The following NRXN3 variants were observed in gnomAD, a reference collection of about 807,000 sequenced individuals.
The protein encoded by NRXN3 is neurexin III.
A neutral mutation model predicts 137.6 loss-of-function variants in NRXN3; 32 were observed. That is an observed-to-expected ratio of 0.23 (90% CI 0.18 to 0.31). The LOEUF is 0.31. Ranked by LOEUF, NRXN3 falls within the 10% of genes least tolerant of loss-of-function variation. The pLI, the probability that NRXN3 is intolerant of heterozygous loss-of-function variation, is 1.00. For missense variants in NRXN3, 1,574 were observed against 2,062.5 expected, an observed-to-expected ratio of 0.76 and a Z score of 4.59; for synonymous variants, 798 against 784.5, an observed-to-expected ratio of 1.02 and a Z score of -0.29.
At chr14:79,015,635 T>A (rs1340545850) in intron 15 of NRXN3, among the ~76,000 whole-genome samples, 1 of 152,134 alleles carries the variant, frequency 6.6e-6, no homozygotes, top group Non-Finnish European at 1.5e-5. Flanking sequence ...AAGGCCCGCC[T>A]CCCAAGTCCT....
chr14:79,129,216 C>G (rs1474937054), intron 15 of NRXN3, among the ~76,000 whole-genome samples: 14 of 151,390 alleles, frequency 9.2e-5, no homozygotes, highest in South Asian at 4.2e-4. Flanking sequence ...TTGCCTTCTT[C>G]TAGCTTTTGA....
rs138076309 is a variant in NRXN3, at chr14:79,758,986, C to T, written c.4015-46126C>T. Reference sequence around the variant, plus strand: ...AATTTTTTGTTTGCCTTAATATCCTCTTATTCTACTAAACATTTTCAGTAT... The same window carrying T: ...AATTTTTTGTTTGCCTTAATATCCTTTTATTCTACTAAACATTTTCAGTAT... On this transcript the variant is annotated intron_variant, in intron 19 of 20. Coordinates refer to ENST00000335750, the MANE Select transcript of NRXN3 (RefSeq NM_001330195.2). 8.4e-3 allele frequency among the ~76,000 whole-genome samples: 1,274 copies of T among 152,242 alleles called. 7 individuals are homozygous for T. The highest frequency in any genetic ancestry group is 0.011 in the Non-Finnish European group (766 of 68,018).
At chr14:79,295,886 T>C (rs2084013485) in intron 15 of NRXN3, among the ~76,000 whole-genome samples, 1 of 152,150 alleles carries the variant, frequency 6.6e-6, no homozygotes, top group African/African-American at 2.4e-5. Context: ...GTGTTTACTT[T>C]TTTCGCTATA....
chr14:78,721,128 C>T (rs11847360), intron 8 of NRXN3, among the ~76,000 whole-genome samples: 27,372 of 152,090 alleles, frequency 0.18, 3,011 homozygotes, highest in African/African-American at 0.3. Context: ...CAAGATATGA[C>T]GCACATTTTA....
At chr14:79,777,828 T>A (rs992604356) in intron 19 of NRXN3, among the ~76,000 whole-genome samples, 8 of 151,656 alleles carry the variant, frequency 5.3e-5, no homozygotes, top group Non-Finnish European at 7.4e-5. Context: ...TAAAAAAAAA[T>A]TTAACAGGCT....
intron 1 of NRXN3, among the ~76,000 whole-genome samples, chr14:78,191,898 G>A (rs2060768822): frequency 1.3e-5 from 2 of 152,118 alleles, no homozygotes; most frequent in Non-Finnish European, 2.9e-5. Context: ...CAACTCCTGG[G>A]TATCTGGCCC....
chr14:78,342,184 A>G (rs2082219449), intron 4 of NRXN3, among the ~76,000 whole-genome samples: 1 of 152,218 alleles, frequency 6.6e-6, no homozygotes, highest in African/African-American at 2.4e-5. Flanking sequence ...TGAGCTCTCA[A>G]TCAATTCCCA....
intron 4 of NRXN3, among the ~76,000 whole-genome samples, chr14:78,476,696 C>A (rs1277439193): frequency 6.6e-6 from 1 of 152,026 alleles, no homozygotes; most frequent in Non-Finnish European, 1.5e-5. Flanking sequence ...GTAATTAGTT[C>A]TCTTTTCCCC....
At chr14:79,484,252 T>A (rs2096635489) in intron 16 of NRXN3, among the ~76,000 whole-genome samples, 1 of 152,146 alleles carries the variant, frequency 6.6e-6, no homozygotes, top group Non-Finnish European at 1.5e-5. Flanking sequence ...TTTGGATGTT[T>A]GGTGATTTGC....
At chr14:78,337,777 C>G (rs1228041987) in intron 4 of NRXN3, among the ~76,000 whole-genome samples, 3 of 152,134 alleles carry the variant, frequency 2.0e-5, no homozygotes, top group Non-Finnish European at 4.4e-5. Flanking sequence ...ATATTGTTCT[C>G]CCAGGTGGTT....
chr14:78,450,456 G>T (rs549347434), intron 4 of NRXN3, among the ~76,000 whole-genome samples: 1 of 152,292 alleles, frequency 6.6e-6, no homozygotes, highest in South Asian at 2.1e-4. Context: ...CTTCTCCAAG[G>T]ACAGGTCATT....
At chr14:78,632,974 G>GC (rs574450471) in intron 4 of NRXN3, among the ~76,000 whole-genome samples, 81 of 152,118 alleles carry the variant, frequency 5.3e-4, no homozygotes, top group African/African-American at 1.9e-3. Context: ...AGTGGCTCAC[G>GC]CATGTAATCC....
intron 4 of NRXN3, among the ~76,000 whole-genome samples, chr14:78,640,950 T>C (rs2097621309): frequency 6.6e-6 from 1 of 152,238 alleles, no homozygotes; most frequent in Non-Finnish European, 1.5e-5. Flanking sequence ...GCTATAGTTT[T>C]ATGCTAAGCT....
chr14:79,684,549 T>C (rs2098687122), intron 17 of NRXN3, among the ~76,000 whole-genome samples: 1 of 152,208 alleles, frequency 6.6e-6, no homozygotes, highest in South Asian at 2.1e-4. Context: ...AGGATTACTA[T>C]GTCATAAGTT....
At chr14:79,759,531 G>A (rs1216399793) in intron 19 of NRXN3, among the ~76,000 whole-genome samples, 1 of 151,540 alleles carries the variant, frequency 6.6e-6, no homozygotes, top group African/African-American at 2.4e-5. Context: ...TTATCAAGGA[G>A]AGCAAATTCC....
chr14:79,002,810 G>A (rs2099544376), intron 15 of NRXN3, among the ~76,000 whole-genome samples: 1 of 152,014 alleles, frequency 6.6e-6, no homozygotes. Flanking sequence ...TTCCACAATG[G>A]TTACACAATT....
At chr14:79,286,043 A>G (rs146141139) in intron 15 of NRXN3, among the ~76,000 whole-genome samples, 4 of 152,200 alleles carry the variant, frequency 2.6e-5, no homozygotes, top group East Asian at 1.9e-4. Flanking sequence ...AGATATGGGG[A>G]AAAAAACAGC....
At chr14:79,337,550 A>T in intron 15 of NRXN3, among the ~76,000 whole-genome samples, 1 of 152,226 alleles carries the variant, frequency 6.6e-6, no homozygotes, top group East Asian at 1.9e-4. Flanking sequence ...AGAGAAAAGA[A>T]TAAGTCTTAT....
Position 79,561,457 on chromosome 14 carries a change from G to A in NRXN3, c.3444+94055G>A, listed in dbSNP as rs78467452. ...ATTGCACAAATCTGCCACTTTTGTA[G>A]GTATACTGATGTTTCCTCATTCCTG... On this transcript the variant is annotated intron_variant, in intron 16 of 20. Transcript: ENST00000335750. 6.5e-3 allele frequency among the ~76,000 whole-genome samples: 992 copies of A among 152,234 alleles called. 75 individuals carry two copies. In the East Asian group the frequency reaches 0.16, roughly 25 times the overall value.
Sources: allele counts gnomAD v4.1 joint callset (sites outside exome capture counted in the v4.1 genomes callset), GRCh38; gene constraint gnomAD v4.1.1; transcripts MANE v1.5; gene names NCBI Gene and HGNC (gene_info 2026-07-23, HGNC 2026-07-21).